The following DOCK4 variants were observed in gnomAD, a reference collection of about 807,000 sequenced individuals.
DOCK4 encodes dedicator of cytokinesis 4.
DOCK4 carries 97 observed loss-of-function variants against 268.1 expected under a neutral mutation model. The observed-to-expected ratio is 0.36, with a 90% CI of 0.31 to 0.43. DOCK4 has a LOEUF of 0.43. Ranked by LOEUF, DOCK4 falls within the 20% of genes least tolerant of loss-of-function variation. DOCK4 has a pLI of 1.00. For missense variants in DOCK4, 2,145 were observed against 2,455.7 expected (o/e 0.87, Z 2.67); for synonymous variants, 954 against 887.2 (o/e 1.08, Z -1.34).
chr7:111,885,851 T>TGCA (rs1399535410), intron 16 of DOCK4, among the ~76,000 whole-genome samples: 7 of 152,078 alleles, frequency 4.6e-5, no homozygotes, highest in Admixed American at 2.0e-4. Flanking sequence ...ATGCAGGCTT[T>TGCA]GCAGCAGCAG....
Position 111,897,481 on chromosome 7 carries a change from A to G in DOCK4, c.1481-1763T>C, listed in dbSNP as rs192099881. ...CTAAACTTACTACCTAGGAACTCCAATCAGTCTCAGACTTTAGAAATCATC... is the reference window on the plus strand; with the variant it reads ...CTAAACTTACTACCTAGGAACTCCAGTCAGTCTCAGACTTTAGAAATCATC... On this transcript the variant is annotated intron_variant, in intron 15 of 52. Transcript: ENST00000428084. Among the ~76,000 whole-genome samples the G allele has an allele frequency of 2.2e-4, 34 of 152,194 alleles. 1 individual carries two copies. Among genetic ancestry groups the G allele is most frequent in the African/African-American group, 8.0e-4 (33 of 41,502 alleles).
chr7:112,175,587 T>C (rs561856240), intron 1 of DOCK4, among the ~76,000 whole-genome samples: 37 of 147,382 alleles, frequency 2.5e-4, no homozygotes, highest in Admixed American at 4.0e-4. Flanking sequence ...TTTGTGGCCA[T>C]AAAACTCTCA....
chr7:111,910,195 T>A (rs1791977321), intron 13 of DOCK4, among the ~76,000 whole-genome samples: 2 of 152,054 alleles, frequency 1.3e-5, no homozygotes, highest in African/African-American at 2.4e-5. Context: ...AATCACAGAG[T>A]AAAAAATGGA....
chr7:111,926,688 C>T (rs1344527308), intron 12 of DOCK4, among the ~76,000 whole-genome samples: 1 of 150,776 alleles, frequency 6.6e-6, no homozygotes, highest in Non-Finnish European at 1.5e-5. Flanking sequence ...AATAAATAAG[C>T]CAAGCGTGGT....
In DOCK4 at chr7:111,896,487, GT is replaced by G. The variant is rs79817951; in HGVS notation, c.1481-770del. Among the ~76,000 whole-genome samples the G allele has an allele frequency of 3.6e-3, 496 of 138,540 alleles. 2 individuals are homozygous for G. The highest frequency in any genetic ancestry group is 0.016 in the East Asian group (73 of 4,628). The allele number at this position is 138,540 out of a possible 152,430, so 90.9% of individuals were successfully genotyped here. The stretch of plus-strand genomic sequence containing the variant: ...TACCATTCCAGTTCTTTCCACCAAG[GT>G]TTTTTTTTTTTTTTTTTTCCTCCAA... On this transcript the variant is annotated intron_variant, in intron 15 of 52. Coordinates refer to ENST00000428084, the MANE Select transcript of DOCK4 (RefSeq NM_001363540.2).
At chr7:112,023,510 C>G (rs1802518385) in intron 1 of DOCK4, 1 of 348,786 alleles carries the variant, frequency 2.9e-6, no homozygotes, top group Non-Finnish European at 5.7e-6. Context: ...GGAGCAAAAG[C>G]TCAGGAAGAA....
intron 19 of DOCK4, 60 bp from the exon 20 acceptor site, chr7:111,872,150 T>C (rs1806482861): frequency 2.1e-6 from 3 of 1,443,858 alleles, no homozygotes; most frequent in Non-Finnish European, 2.8e-6. Flanking sequence ...TCCTTTTTTT[T>C]TTGCTTCTTT....
At chr7:111,894,057 A>G (rs2134368987) in intron 16 of DOCK4, among the ~76,000 whole-genome samples, 1 of 152,228 alleles carries the variant, frequency 6.6e-6, no homozygotes, top group African/African-American at 2.4e-5. Context: ...CCCCGTCTCT[A>G]CTAAAAATAC....
intron 1 of DOCK4, 109 bp downstream of exon 1, chr7:112,205,993 G>C (rs1821374830): frequency 1.6e-6 from 2 of 1,262,982 alleles, no homozygotes; most frequent in Non-Finnish European, 2.2e-6. Context: ...GCGATGCCAG[G>C]ATTAGGCATT....
intron 1 of DOCK4, among the ~76,000 whole-genome samples, chr7:112,113,845 T>G (rs1245620788): frequency 7.1e-6 from 1 of 141,096 alleles, no homozygotes; most frequent in Non-Finnish European, 1.5e-5. Flanking sequence ...CCTCCTGCCT[T>G]GTCCTCCCAA....
At chr7:111,742,424 C>G (rs138074339) in intron 44 of DOCK4, among the ~76,000 whole-genome samples, 1 of 152,104 alleles carries the variant, frequency 6.6e-6, no homozygotes, top group African/African-American at 2.4e-5. Flanking sequence ...TATAATGCCT[C>G]GTAACAGTTA....
chr7:111,908,461 A>AAAT (rs3055494), intron 13 of DOCK4, among the ~76,000 whole-genome samples: 88 of 150,230 alleles, frequency 5.9e-4, no homozygotes, highest in South Asian at 2.3e-3. Context: ...AAAATAAATA[A>AAAT]AATAATAATA....
At chr7:111,808,955 A>G (rs1295607893) in intron 29 of DOCK4, 76 bp from the exon 30 acceptor site, 5 of 1,488,042 alleles carry the variant, frequency 3.4e-6, no homozygotes, top group Non-Finnish European at 4.6e-6. Flanking sequence ...TTAGGATACA[A>G]TCTATCATTC....
intron 1 of DOCK4, among the ~76,000 whole-genome samples, chr7:112,012,258 G>A (rs570043713): frequency 2.0e-5 from 3 of 151,672 alleles, no homozygotes; most frequent in South Asian, 2.1e-4. Flanking sequence ...CTTGGAAATC[G>A]TTATTAAGTT....
chr7:112,057,892 T>C (rs1205571417), intron 1 of DOCK4, among the ~76,000 whole-genome samples: 3 of 151,932 alleles, frequency 2.0e-5, no homozygotes, highest in Non-Finnish European at 4.4e-5. Context: ...TAAATGATAG[T>C]TTATTTTTAA....
At chr7:111,905,328 C>T (rs957753731) in intron 13 of DOCK4, among the ~76,000 whole-genome samples, 5 of 152,196 alleles carry the variant, frequency 3.3e-5, no homozygotes, top group African/African-American at 1.2e-4. Flanking sequence ...CCTCATACCT[C>T]TCAAGTTTAT....
At chr7:112,050,521 T>C (rs1387894371) in intron 1 of DOCK4, among the ~76,000 whole-genome samples, 1 of 152,260 alleles carries the variant, frequency 6.6e-6, no homozygotes, top group Non-Finnish European at 1.5e-5. Flanking sequence ...TCTTCCACAT[T>C]GGTAAACAAT....
At chr7:112,048,697 A>G (rs938067422) in intron 1 of DOCK4, among the ~76,000 whole-genome samples, 3 of 151,910 alleles carry the variant, frequency 2.0e-5, no homozygotes, top group African/African-American at 7.3e-5. Flanking sequence ...AAGAAAGTAG[A>G]GAAACGTCTC....
intron 47 of DOCK4, 65 bp downstream of exon 47, chr7:111,741,029 C>T (rs1282716064): frequency 2.6e-5 from 41 of 1,591,758 alleles, no homozygotes; most frequent in Non-Finnish European, 3.3e-5. Context: ...GCAGAATGAA[C>T]AGAAACACTC....
Sources: allele counts gnomAD v4.1 joint callset (sites outside exome capture counted in the v4.1 genomes callset), GRCh38; gene constraint gnomAD v4.1.1; transcripts MANE v1.5; gene names NCBI Gene and HGNC (gene_info 2026-07-23, HGNC 2026-07-21).